Variants in TCF12 observed in about 807,000 individuals in gnomAD.
The protein encoded by TCF12 is DNA-binding protein HTF4.
TCF12 carries 45 observed loss-of-function variants against 86.0 expected under a neutral mutation model. The observed-to-expected ratio is 0.52, with a 90% confidence interval of 0.41 to 0.67. TCF12 has a LOEUF of 0.67. TCF12 is among the 30% of genes least tolerant of loss of function. The pLI, the probability that TCF12 is intolerant of heterozygous loss-of-function variation, is 0.00. For synonymous variants in TCF12, 330 were observed against 299.6 expected, an observed-to-expected ratio of 1.10 and a Z score of -1.05; for missense variants, 881 against 859.9, an observed-to-expected ratio of 1.02 and a Z score of -0.31.
rs1173927601 is a variant in TCF12, at chr15:57,262,203, A to G, written c.1577A>G (p.Tyr526Cys). The change falls in exon 17 of 21, where the codon TAT (tyrosine) becomes TGT (cysteine). Residue 526 changes from tyrosine to cysteine, a missense_variant. Physicochemically the swap from Tyr to Cys is radical, Grantham distance 194 (BLOSUM62 -2). This residue lies in a region of TCF12 where 766 missense variants were observed against 718.9 expected (regional missense o/e 1.07). Coordinates refer to ENST00000333725, the MANE Select transcript of TCF12 (RefSeq NM_207037.2). ...CTGAACCATAAAACACAAGAAAATTATAGAGGTAACTATATTGTTGGTTTT... is the reference window on the plus strand; with the variant it reads ...CTGAACCATAAAACACAAGAAAATTGTAGAGGTAACTATATTGTTGGTTTT... ...TDLNHKTQEN[Y>C]RGGLQSQSGT... 1.9e-6 allele frequency: 3 copies of G among 1,601,120 alleles called. No homozygotes were observed. Among genetic ancestry groups the G allele is most frequent in the Admixed American group, 1.7e-5 (1 of 59,674 alleles).
chr15:57,001,738 C>T (rs899937994), intron 3 of TCF12, among the ~76,000 whole-genome samples: 3 of 152,096 alleles, frequency 2.0e-5, no homozygotes, highest in Non-Finnish European at 4.4e-5. Flanking sequence ...TTAATTGATG[C>T]TATATATCAT....
chr15:57,216,813 G>C (rs1362026087), intron 8 of TCF12, among the ~76,000 whole-genome samples: 1 of 151,994 alleles, frequency 6.6e-6, no homozygotes, highest in Non-Finnish European at 1.5e-5. Context: ...GTTTTTTGGG[G>C]GGTAAGGCAG....
upstream of TCF12, chr15:56,918,368 C>CA: frequency 1.8e-5 from 7 of 389,462 alleles, no homozygotes; most frequent in East Asian, 1.6e-4. Context: ...TACCTGCCAC[C>CA]CCGCTCCCAG....
intron 3 of TCF12, among the ~76,000 whole-genome samples, chr15:57,006,496 G>T (rs2064383315): frequency 6.6e-6 from 1 of 152,026 alleles, no homozygotes; most frequent in East Asian, 1.9e-4. Context: ...ATAGAGATGG[G>T]GTTTCACCAT....
chr15:57,232,034 T>C (rs757400068), intron 9 of TCF12, among the ~76,000 whole-genome samples: 6 of 152,184 alleles, frequency 3.9e-5, no homozygotes, highest in Non-Finnish European at 8.8e-5. Context: ...TTCCTTGATA[T>C]GAATTGAGAT....
chr15:56,989,378 A>G (rs1459889791), intron 3 of TCF12, among the ~76,000 whole-genome samples: 1 of 152,134 alleles, frequency 6.6e-6, no homozygotes, highest in Non-Finnish European at 1.5e-5. Flanking sequence ...CTAAAGGAAA[A>G]ACTGTGTTCT....
In TCF12 at chr15:57,272,033, C is replaced by G. The variant is rs375500580; in HGVS notation, c.1746-997C>G. Reference sequence around the variant, plus strand: ...TTCTGCTACCATAGTTTTGTGTTTTCTAGAAGTTCATGTAAATGGAATTGT... The same window carrying G: ...TTCTGCTACCATAGTTTTGTGTTTTGTAGAAGTTCATGTAAATGGAATTGT... On this transcript the variant is annotated intron_variant, in intron 18 of 20. Transcript: ENST00000333725. Among the ~76,000 whole-genome samples, 461 of 152,210 alleles carry G rather than the reference C, an allele frequency of 3.0e-3. 3 individuals are homozygous for G. The highest frequency in any genetic ancestry group is 0.011 in the African/African-American group (442 of 41,520).
intron 8 of TCF12, among the ~76,000 whole-genome samples, chr15:57,201,496 T>G (rs2057541110): frequency 6.6e-6 from 1 of 152,038 alleles, no homozygotes; most frequent in Admixed American, 6.6e-5. Flanking sequence ...AGGTCACATC[T>G]AAAAGTACAG....
chr15:57,284,865 C>T (rs2152146500), intron 20 of TCF12, among the ~76,000 whole-genome samples: 1 of 152,320 alleles, frequency 6.6e-6, no homozygotes, highest in South Asian at 2.1e-4. Flanking sequence ...TCTCATAGCT[C>T]TACCTTTATC....
At chr15:56,963,845 C>T (rs1428349607) in intron 3 of TCF12, among the ~76,000 whole-genome samples, 3 of 152,134 alleles carry the variant, frequency 2.0e-5, no homozygotes, top group Non-Finnish European at 2.9e-5. Flanking sequence ...GATTGGGCAG[C>T]GTTCATGTAT....
chr15:57,035,061 A>AT (rs1444407626), intron 3 of TCF12, among the ~76,000 whole-genome samples: 1 of 152,144 alleles, frequency 6.6e-6, no homozygotes, highest in African/African-American at 2.4e-5. Flanking sequence ...TAATATTAAC[A>AT]TTTTCTTAAT....
chr15:57,045,997 C>T lies in TCF12; in HGVS notation c.149-17753C>T, dbSNP rs533025983. ...ATAAGCAGCAGATGACTGCCTTCCA[C>T]GATTTTCTTCACTGAAAAATTGCCA... On this transcript the variant is annotated intron_variant, in intron 3 of 20. Transcript: ENST00000333725. Among the ~76,000 whole-genome samples, 10 of 152,290 alleles carry T rather than the reference C, an allele frequency of 6.6e-5. No individual in the cohort carries two copies. In the South Asian group the frequency reaches 1.0e-3, roughly 16 times the overall value.
chr15:57,155,172 T>C (rs528918233), intron 5 of TCF12, among the ~76,000 whole-genome samples: 53 of 152,286 alleles, frequency 3.5e-4, no homozygotes, highest in African/African-American at 1.2e-3. Flanking sequence ...TGTTACAGAA[T>C]GTTGGGATTT....
intron 4 of TCF12, among the ~76,000 whole-genome samples, chr15:57,065,591 T>C (rs1236697196): frequency 6.6e-6 from 1 of 152,118 alleles, no homozygotes; most frequent in African/African-American, 2.4e-5. Flanking sequence ...GGGTGCCTTA[T>C]ATTTCTCTCT....
At chr15:57,231,037 C>T in intron 8 of TCF12, 115 bp from the exon 9 acceptor site, 1 of 669,914 alleles carries the variant, frequency 1.5e-6, no homozygotes, top group Non-Finnish European at 2.6e-6. Flanking sequence ...TTGTGGTAGC[C>T]CTTTATAAAA....
chr15:57,248,076 A>C (rs780924800), intron 13 of TCF12: 81 of 702,552 alleles, frequency 1.2e-4, no homozygotes, highest in Non-Finnish European at 1.9e-4. Context: ...ATGTCTTCCA[A>C]CTCAAGTTCA....
At chr15:56,974,727 T>TG (rs1361320911) in intron 3 of TCF12, among the ~76,000 whole-genome samples, 1 of 152,076 alleles carries the variant, frequency 6.6e-6, no homozygotes, top group Non-Finnish European at 1.5e-5. Context: ...GGTCTGTAGT[T>TG]GAAAAAGTAA....
intron 13 of TCF12, chr15:57,247,033 C>G: frequency 1.8e-6 from 1 of 549,614 alleles, no homozygotes. Flanking sequence ...CCAAAAGTGC[C>G]CCCTTTCATG....
intron 8 of TCF12, among the ~76,000 whole-genome samples, chr15:57,198,239 G>A (rs183505182): frequency 6.6e-6 from 1 of 152,190 alleles, no homozygotes; most frequent in Non-Finnish European, 1.5e-5. Flanking sequence ...AAGACATTAA[G>A]ATTCGGAGTA....
Sources: gnomAD v4.1 joint callset for allele counts (sites outside exome capture counted in the v4.1 genomes callset) on GRCh38, gnomAD v4.1.1 for gene constraint, gnomAD v4.1.1 regional missense constraint, MANE v1.5 for transcripts, NCBI Gene and HGNC (gene_info 2026-07-23, HGNC 2026-07-21) for gene names.